The following ANKRD28 variants were observed in gnomAD, a reference collection of about 807,000 sequenced individuals.
ANKRD28 encodes the protein ankyrin repeat domain 28, also known as serine/threonine-protein phosphatase 6 regulatory ankyrin repeat subunit A.
Under a neutral mutation model 126.5 loss-of-function variants are expected in ANKRD28, and 44 were observed. That is an observed-to-expected ratio of 0.35 (90% CI 0.27 to 0.45). The LOEUF is 0.45. Ranked by LOEUF, ANKRD28 falls within the 20% of genes least tolerant of loss-of-function variation. The probability of loss-of-function intolerance (pLI) is 1.00; values close to 1 mark genes in which losing one functional copy is unlikely to be tolerated. For synonymous variants in ANKRD28, 442 were observed against 468.5 expected (o/e 0.94, Z 0.73); for missense variants, 1,110 against 1,316.6 (o/e 0.84, Z 2.43).
chr3:15,787,859 C>T (rs79917767), intron 2 of ANKRD28, among the ~76,000 whole-genome samples: 2,936 of 152,206 alleles, frequency 0.019, 101 homozygotes, highest in African/African-American at 0.066. Context: ...TTTCAGAAAG[C>T]GGTTTTGAAA....
intron 1 of ANKRD28, among the ~76,000 whole-genome samples, chr3:15,823,201 T>TA (rs992049055): frequency 2.0e-5 from 3 of 152,188 alleles, no homozygotes; most frequent in Non-Finnish European, 4.4e-5. Flanking sequence ...GTGCACAACC[T>TA]AGATCTCTTG....
At chr3:15,803,487 C>T (rs1012728357) in intron 1 of ANKRD28, among the ~76,000 whole-genome samples, 3 of 151,672 alleles carry the variant, frequency 2.0e-5, no homozygotes, top group African/African-American at 4.8e-5. Context: ...TGTGGTGGCG[C>T]GTGCCTGTAA....
intron 1 of ANKRD28, among the ~76,000 whole-genome samples, chr3:15,807,953 A>T (rs2060624401): frequency 6.6e-6 from 1 of 152,244 alleles, no homozygotes; most frequent in Admixed American, 6.5e-5. Context: ...GGTAACTTGA[A>T]TAGCTACTAT....
intron 2 of ANKRD28, among the ~76,000 whole-genome samples, chr3:15,795,009 A>G (rs2060210620): frequency 6.6e-6 from 1 of 152,164 alleles, no homozygotes; most frequent in Non-Finnish European, 1.5e-5. Context: ...GAAAAATTTC[A>G]AAGTAAAAAG....
At chr3:15,778,665 A>C (rs937908921) in intron 2 of ANKRD28, among the ~76,000 whole-genome samples, 1 of 152,174 alleles carries the variant, frequency 6.6e-6, no homozygotes, top group African/African-American at 2.4e-5. Flanking sequence ...ACCCAGATTT[A>C]GAGTTCATGT....
At chr3:15,674,706 TAGA>T (rs1449098201) in intron 27 of ANKRD28, among the ~76,000 whole-genome samples, 5 of 152,068 alleles carry the variant, frequency 3.3e-5, no homozygotes, top group Admixed American at 2.6e-4. Context: ...AATTGAGTCC[TAGA>T]AGAAGAGGGA....
intron 1 of ANKRD28, among the ~76,000 whole-genome samples, chr3:15,836,977 G>A (rs931574565): frequency 4.6e-5 from 7 of 151,890 alleles, no homozygotes; most frequent in African/African-American, 1.7e-4. Flanking sequence ...GCGGGCGCCT[G>A]TAGTCCTTGC....
At chr3:15,779,759 T>C (rs188037114) in intron 2 of ANKRD28, among the ~76,000 whole-genome samples, 86 of 152,328 alleles carry the variant, frequency 5.6e-4, no homozygotes, top group African/African-American at 1.9e-3. Context: ...TAGTTATTAA[T>C]TCATGTTGTA....
chr3:15,766,217 C>T lies in ANKRD28; in HGVS notation c.280+17G>A, dbSNP rs1282066962. 2 of 1,592,134 alleles carry T rather than the reference C, an allele frequency of 1.3e-6. No individual in the cohort carries two copies. Among genetic ancestry groups the T allele is most frequent in the Non-Finnish European group, 1.7e-6 (2 of 1,163,536 alleles). On this transcript the variant is annotated intron_variant, in intron 3 of 27. Transcript: ENST00000683139. ...AAATATACATAATGTGTTCTTATTACTCAGAGGTTACCATACCAGATAAAA... is the reference window on the plus strand; with the variant it reads ...AAATATACATAATGTGTTCTTATTATTCAGAGGTTACCATACCAGATAAAA...
At chr3:15,751,901 T>C (rs568259819) in intron 3 of ANKRD28, 81 bp from the exon 4 acceptor site, 20 of 901,700 alleles carry the variant, frequency 2.2e-5, no homozygotes, top group African/African-American at 5.2e-5. Context: ...TAGTTATATA[T>C]AATCCAAATT....
upstream of ANKRD28, among the ~76,000 whole-genome samples, chr3:15,798,755 C>T (rs1244765662): frequency 6.6e-6 from 1 of 152,000 alleles, no homozygotes; most frequent in African/African-American, 2.4e-5. Context: ...AATGTCAAAG[C>T]CAATCATTTC....
At chr3:15,818,597 A>C (rs1216173850) in intron 1 of ANKRD28, among the ~76,000 whole-genome samples, 4 of 152,216 alleles carry the variant, frequency 2.6e-5, no homozygotes, top group Non-Finnish European at 5.9e-5. Context: ...AATTAGGTAA[A>C]ATAAGAGATT....
chr3:15,821,690 C>A (rs150385698), intron 1 of ANKRD28, among the ~76,000 whole-genome samples: 3 of 152,080 alleles, frequency 2.0e-5, no homozygotes, highest in Admixed American at 2.0e-4. Flanking sequence ...CATAGGAAAA[C>A]GCTGTGGAAT....
chr3:15,775,131 C>A (rs140557832), intron 2 of ANKRD28, among the ~76,000 whole-genome samples: 119 of 152,358 alleles, frequency 7.8e-4, no homozygotes, highest in African/African-American at 2.8e-3. Context: ...CCCACCTTGG[C>A]CTCCCAAAGT....
chr3:15,822,244 A>C (rs957663760), intron 1 of ANKRD28, among the ~76,000 whole-genome samples: 1 of 152,144 alleles, frequency 6.6e-6, no homozygotes, highest in Admixed American at 6.5e-5. Flanking sequence ...GTACCCCAAC[A>C]CAGAAGCAAT....
rs549178127 is a variant in ANKRD28 at position 15,686,036 on chromosome 3, T to C, written c.2135A>G (p.Lys712Arg). 1.2e-6 allele frequency: 2 copies of C among 1,613,746 alleles called. No individual in the cohort carries two copies. The highest frequency in any genetic ancestry group is 2.7e-5 in the African/African-American group (2 of 75,052). The change falls in exon 20 of 28, where the codon AAA becomes AGA. Residue 712 changes from lysine (K) to arginine (R), a missense_variant. Coordinates refer to ENST00000683139, the MANE Select transcript of ANKRD28 (RefSeq NM_001349278.2). ...LLNKGANVDA[K>R]DKWGRTALHR... ...CAACGCTGTCCTTCCCCACTTATCT[T>C]TGGCATCTACATTTGCTCCTTTGTT...
intron 11 of ANKRD28, 91 bp downstream of exon 11, chr3:15,712,049 T>C (rs996530128): frequency 8.2e-6 from 8 of 976,304 alleles, no homozygotes; most frequent in Non-Finnish European, 1.3e-5. Flanking sequence ...TGGACCCATC[T>C]GCATTAATTT....
At chr3:15,855,723 T>C (rs1353505257) in intron 1 of ANKRD28, among the ~76,000 whole-genome samples, 7 of 152,252 alleles carry the variant, frequency 4.6e-5, no homozygotes, top group African/African-American at 1.2e-4. Context: ...ATATCCAGAA[T>C]AGGCAAATTC....
chr3:15,830,454 A>G lies in ANKRD28; in HGVS notation c.27+28923T>C, dbSNP rs2061165239. 6.6e-6 allele frequency among the ~76,000 whole-genome samples: 1 copy of G among 152,134 alleles called. No individual in the cohort carries two copies. The highest frequency in any genetic ancestry group is 2.1e-4 in the South Asian group (1 of 4,824). On this transcript the variant is annotated intron_variant, in intron 1 of 27. Coordinates refer to the ANKRD28 transcript ENST00000399451. This position sits in a 1 kb window ranked among gnomAD's most constrained non-coding sequence, Gnocchi z 4.5. ...GAGTAGCGCAGCATTAGATTCTCAT[A>G]GGACTGCCAATCCTATTTTGAATTG...
Sources: allele counts gnomAD v4.1 joint callset (sites outside exome capture counted in the v4.1 genomes callset), GRCh38; gene constraint gnomAD v4.1.1; non-coding constraint Gnocchi (gnomAD v3.1); transcripts MANE v1.5; gene names NCBI Gene and HGNC (gene_info 2026-07-23, HGNC 2026-07-21).